Variants in CLYBL observed in about 807,000 individuals in gnomAD.
CLYBL encodes the protein citramalyl-CoA lyase, mitochondrial.
A neutral mutation model predicts 38.9 loss-of-function variants in CLYBL; 31 were observed. That is an observed-to-expected ratio of 0.80 (90% CI 0.60 to 1.08). The LOEUF is 1.08. Among genes scored for constraint, CLYBL ranks in the 50% least tolerant of loss-of-function variants. CLYBL has a pLI of 0.00. For missense variants in CLYBL, 434 were observed against 411.6 expected (o/e 1.05, Z -0.47); for synonymous variants, 171 against 158.6 (o/e 1.08, Z -0.59).
chr13:99,750,610 G>A (rs1194150032), intron 1 of CLYBL, among the ~76,000 whole-genome samples: 2 of 151,418 alleles, frequency 1.3e-5, no homozygotes, highest in Admixed American at 6.6e-5. Flanking sequence ...GGAGGCGGAG[G>A]TTGTGGTGAG....
At chr13:99,861,035 A>G (rs2051587717) in intron 3 of CLYBL, among the ~76,000 whole-genome samples, 1 of 152,270 alleles carries the variant, frequency 6.6e-6, no homozygotes, top group South Asian at 2.1e-4. Context: ...GAGCCCTGCT[A>G]CTTCATCTCC....
Position 99,813,379 on chromosome 13 carries a change from A to C in CLYBL, c.249+40369A>C, listed in dbSNP as rs112097201. 5.1e-3 allele frequency among the ~76,000 whole-genome samples: 776 copies of C among 152,338 alleles called. 10 individuals carry two copies. Among genetic ancestry groups the C allele is most frequent in the African/African-American group, 0.018 (746 of 41,574 alleles). ...CATGTCAGGGGTCAAGTGCAAGAAC[A>C]GTAATACTAGTATTTATTTAGTACT... On this transcript the variant is annotated intron_variant, in intron 2 of 8. Transcript: ENST00000339105.
At chr13:99,902,227 T>C (rs1167019502) in intron 8 of CLYBL, among the ~76,000 whole-genome samples, 3 of 152,192 alleles carry the variant, frequency 2.0e-5, no homozygotes, top group African/African-American at 7.2e-5. Flanking sequence ...CAACAAATGA[T>C]TAGTATAAAA....
intron 2 of CLYBL, among the ~76,000 whole-genome samples, chr13:99,811,550 CGGCT>C (rs2050342334): frequency 6.6e-6 from 1 of 152,114 alleles, no homozygotes; most frequent in Admixed American, 6.5e-5. Flanking sequence ...AGCTGAGAAG[CGGCT>C]GGAGCCAGAG....
At chr13:99,783,932 G>A (rs1286563100) in intron 2 of CLYBL, 1 of 152,234 alleles carries the variant, frequency 6.6e-6, no homozygotes, top group Non-Finnish European at 1.5e-5. Flanking sequence ...TTTGGTCATA[G>A]CATTAAGAGT....
chr13:99,721,797 T>C (rs1475121470), intron 1 of CLYBL, among the ~76,000 whole-genome samples: 1 of 152,066 alleles, frequency 6.6e-6, no homozygotes, highest in African/African-American at 2.4e-5. Flanking sequence ...ACCCTTGGCG[T>C]GGTAGGTTAG....
At chr13:99,881,711 CTG>C (rs2052216287) in intron 7 of CLYBL, among the ~76,000 whole-genome samples, 1 of 152,068 alleles carries the variant, frequency 6.6e-6, no homozygotes, top group Admixed American at 6.6e-5. Context: ...CGTTGAGCCA[CTG>C]TGCCCAGCCT....
intron 2 of CLYBL, chr13:99,783,877 CAT>C (rs3033587): frequency 0.43 from 64,646 of 151,914 alleles, 14,850 homozygotes; most frequent in East Asian, 0.7. Flanking sequence ...CTCAAGAAAA[CAT>C]AACATTATTG....
intron 2 of CLYBL, among the ~76,000 whole-genome samples, chr13:99,837,661 CT>C (rs1441206685): frequency 6.6e-6 from 1 of 152,020 alleles, no homozygotes; most frequent in Non-Finnish European, 1.5e-5. Flanking sequence ...CAAGGGGCTG[CT>C]GAGTTCCTCT....
intron 1 of CLYBL, among the ~76,000 whole-genome samples, chr13:99,614,277 G>C (rs1566588668): frequency 1.3e-5 from 2 of 152,142 alleles, no homozygotes; most frequent in Admixed American, 6.5e-5. Context: ...AACCGAGAGA[G>C]AGTATTCAGA....
At chr13:99,705,477 G>A (rs2048133025) in intron 1 of CLYBL, among the ~76,000 whole-genome samples, 1 of 152,112 alleles carries the variant, frequency 6.6e-6, no homozygotes, top group African/African-American at 2.4e-5. Context: ...CTACTTGGGA[G>A]GCTGAGGCAG....
In CLYBL at chr13:99,872,547, C is replaced by T. The variant is rs754445938; in HGVS notation, c.927+1485C>T. The stretch of plus-strand genomic sequence containing the variant: ...CACCGAATGCTCTATACCTCTGCTA[C>T]AAGCCTTGTGCCAGCTGAGGACAGG... On this transcript the variant is annotated intron_variant, in intron 7 of 8. Coordinates refer to ENST00000339105, the MANE Select transcript of CLYBL (RefSeq NM_206808.5). Among the ~76,000 whole-genome samples the T allele has an allele frequency of 5.9e-5, 9 of 152,198 alleles. No individual in the cohort carries two copies. In the East Asian group the frequency reaches 1.5e-3, roughly 26 times the overall value.
chr13:99,904,458 T>C (rs73563289), intron 8 of CLYBL, among the ~76,000 whole-genome samples: 8,244 of 152,294 alleles, frequency 0.054, 256 homozygotes, highest in African/African-American at 0.084. Context: ...GAAGAGTTGA[T>C]TGATTCCTCA....
At chr13:99,609,888 G>A (rs896682913) in intron 1 of CLYBL, among the ~76,000 whole-genome samples, 1 of 151,400 alleles carries the variant, frequency 6.6e-6, no homozygotes, top group Admixed American at 6.6e-5. Context: ...CTGAAACATC[G>A]TTCTCATACT....
chr13:99,641,988 A>T (rs2047101912), intron 1 of CLYBL, among the ~76,000 whole-genome samples: 1 of 152,236 alleles, frequency 6.6e-6, no homozygotes, highest in Admixed American at 6.5e-5. Context: ...ATGGGATTTA[A>T]AATATGACAA....
downstream of CLYBL, among the ~76,000 whole-genome samples, chr13:99,901,651 TTTTTTTG>T (rs1028197972): frequency 4.0e-5 from 5 of 125,638 alleles, no homozygotes; most frequent in African/African-American, 6.8e-5. Flanking sequence ...TTTTGTTTTT[TTTTTTTG>T]TTTGTTTGTT....
In CLYBL at chr13:99,806,402, G is replaced by A. The variant is rs548445440; in HGVS notation, c.249+33392G>A. Among the ~76,000 whole-genome samples, 8 of 152,228 alleles carry A rather than the reference G, an allele frequency of 5.3e-5. No homozygotes were observed. In the South Asian group the frequency reaches 1.7e-3, roughly 32 times the overall value. ...TAATTGCATGGTTTCCATATGCTTAGTAACTGTGTTTCATATGTATTTTGT... is the reference window on the plus strand; with the variant it reads ...TAATTGCATGGTTTCCATATGCTTAATAACTGTGTTTCATATGTATTTTGT... On this transcript the variant is annotated intron_variant, in intron 2 of 8. Coordinates refer to ENST00000339105, the MANE Select transcript of CLYBL (RefSeq NM_206808.5).
intron 2 of CLYBL, 142 bp downstream of exon 2, chr13:99,773,152 T>G: frequency 1.4e-6 from 1 of 702,804 alleles, no homozygotes; most frequent in Non-Finnish European, 2.4e-6. Context: ...TCTGCTTTTA[T>G]ATAGGTTCTA....
chr13:99,668,585 C>CAAAA (rs61178644), intron 1 of CLYBL, among the ~76,000 whole-genome samples: 39 of 133,708 alleles, frequency 2.9e-4, no homozygotes, highest in East Asian at 2.4e-3. Flanking sequence ...AACTCCATCT[C>CAAAA]AAAAAAAAAA....
Sources: gnomAD v4.1 joint callset for allele counts (sites outside exome capture counted in the v4.1 genomes callset) on GRCh38, gnomAD v4.1.1 for gene constraint, MANE v1.5 for transcripts, NCBI Gene and HGNC (gene_info 2026-07-23, HGNC 2026-07-21) for gene names.